Variants in KMT2B observed in about 807,000 individuals in gnomAD.
KMT2B encodes histone-lysine N-methyltransferase 2B.
Under a neutral mutation model 255.3 loss-of-function variants are expected in KMT2B, and 22 were observed. The ratio of observed to expected loss-of-function variants is 0.09; its 90% CI spans 0.06 to 0.12. The LOEUF (loss-of-function observed/expected upper bound fraction) is 0.12, where lower values mean the gene tolerates loss of function less well. Ranked by LOEUF, KMT2B falls within the 10% of genes least tolerant of loss-of-function variation. The pLI, the probability that KMT2B is intolerant of heterozygous loss-of-function variation, is 1.00. For missense variants in KMT2B, 3,149 were observed against 3,737.0 expected (o/e 0.84, Z 4.10); for synonymous variants, 1,730 against 1,498.1 (o/e 1.15, Z -3.57).
chr19:35,719,371 C>T, intron 1 of KMT2B, 98 bp from the exon 2 acceptor site: 1 of 847,604 alleles, frequency 1.2e-6, no homozygotes, highest in Non-Finnish European at 1.9e-6. Context: ...CAGGGGTATG[C>T]TAAGTGGGAA....
intron 22 of KMT2B, among the ~76,000 whole-genome samples, chr19:35,729,596 A>G (rs893826567): frequency 1.3e-5 from 2 of 152,166 alleles, no homozygotes; most frequent in Non-Finnish European, 2.9e-5. Context: ...CCGTGAGGTT[A>G]GAATTCCCCC....
In KMT2B at chr19:35,727,864, G is replaced by C. The variant is rs767815563; in HGVS notation, c.4393-17G>C. 6.2e-7 allele frequency: 1 copy of C among 1,611,184 alleles called. No individual in the cohort carries two copies. Among genetic ancestry groups the C allele is most frequent in the East Asian group, 2.2e-5 (1 of 44,788 alleles). The stretch of plus-strand genomic sequence containing the variant: ...ATTGTGCAGAGGGGACTCAGTCTCT[G>C]ACAAACCCCCTTACAGCACAGCTTC... On this transcript the variant is annotated splice_polypyrimidine_tract_variant and intron_variant, in intron 17 of 36. Coordinates refer to ENST00000420124, the MANE Select transcript of KMT2B (RefSeq NM_014727.3). This position sits in a 1 kb window ranked among gnomAD's most constrained non-coding sequence, Gnocchi z 4.2.
rs1568368176 is a variant in KMT2B at position 35,720,567 on chromosome 19, C to T, written c.1220C>T (p.Thr407Ile). Residue 407 changes from threonine to isoleucine, a missense_variant, in exon 3 of 37, where the codon ACT becomes ATT. Physicochemically the swap from Thr to Ile is moderately conservative, Grantham distance 89. Around this residue, in one of 18 missense-constraint regions of KMT2B, gnomAD observed 1,188 missense variants for 1,106.4 expected, o/e 1.07. Coordinates refer to ENST00000420124, the MANE Select transcript of KMT2B (RefSeq NM_014727.3). ...GCAAAGCTGCCACCACCGCCTCTGA[C>T]TCCTCCAGCCCCTTCACCTCCTCCA... The part of the protein sequence containing the change: ...EEAKLPPPPL[T>I]PPAPSPPPPL... 6.5e-7 allele frequency: 1 copy of T among 1,541,920 alleles called. No individual in the cohort carries two copies. Among genetic ancestry groups the T allele is most frequent in the Non-Finnish European group, 8.8e-7 (1 of 1,142,508 alleles).
chr19:35,733,295 TCCGCCCTGCCCCGCCC>T lies in KMT2B; in HGVS notation c.6752_6767del (p.Pro2251HisfsTer5). On this transcript the variant is annotated frameshift_variant, in exon 28 of 37. Transcript: ENST00000420124. LOFTEE classifies it high-confidence loss of function. The surrounding 1 kb of genome is among the most constrained non-coding windows in gnomAD (Gnocchi z 4.3). ...GGCGTGCTGCCCGTGGTCGGAGTGGTCCGCCCTGCCCCGCCCCCGCCACCCCCTCCCCTGACGCTGG... is the reference window on the plus strand; with the variant it reads ...GGCGTGCTGCCCGTGGTCGGAGTGGTCCGCCACCCCCTCCCCTGACGCTGG... The T allele has an allele frequency of 6.9e-7, 1 of 1,456,824 alleles. No homozygotes were observed. Among genetic ancestry groups the T allele is most frequent in the Non-Finnish European group, 9.3e-7 (1 of 1,072,624 alleles). The allele number at this position is 1,456,824 out of a possible 1,614,324, so 90.2% of individuals were successfully genotyped here. A position where few individuals can be genotyped will look rare whatever the true frequency, so the allele number is the denominator to read the frequency against.
chr19:35,723,081 G>C lies in KMT2B; in HGVS notation c.2809G>C (p.Glu937Gln). Residue 937 changes from glutamate to glutamine, a missense_variant, in exon 6 of 37, where the codon GAG (glutamate) becomes CAG (glutamine). Transcript: ENST00000420124. This position sits in a 1 kb window ranked among gnomAD's most constrained non-coding sequence, Gnocchi z 7.5. ...GGCAGCAGGCCCTGGGGGAGAATCA[G>C]AGCCCACAGGTTCTGGAGGGACCCT... ...VEAAGPGGES[E>Q]PTGSGGTLAH... The C allele has an allele frequency of 6.2e-7, 1 of 1,613,190 alleles. No individual in the cohort carries two copies. The highest frequency in any genetic ancestry group is 8.5e-7 in the Non-Finnish European group (1 of 1,179,822).
rs562710909 is a variant in KMT2B, at chr19:35,732,544, G to C, written c.5995G>C (p.Gly1999Arg). The change falls in exon 28 of 37, where the codon GGG becomes CGG. Residue 1999 changes from glycine to arginine, a missense_variant. Coordinates refer to ENST00000420124, the MANE Select transcript of KMT2B (RefSeq NM_014727.3). ...CCTGGACTTCGCGGCCAGCCTGCTG[G>C]GGACTGAGCCCTTCCAGGAAGAGAT... ...ADLDFAASLL[G>R]TEPFQEEIVA... is the part of the protein sequence containing the mutation. 1 of 1,613,874 alleles carries C rather than the reference G, an allele frequency of 6.2e-7. No homozygotes were observed. The highest frequency in any genetic ancestry group is 1.1e-5 in the South Asian group (1 of 91,088).
Position 35,725,885 on chromosome 19 carries a change from C to A in KMT2B, c.3885+67C>A. 1 of 1,344,712 alleles carries A rather than the reference C, an allele frequency of 7.4e-7. No individual in the cohort carries two copies. Among genetic ancestry groups the A allele is most frequent in the Non-Finnish European group, 1.0e-6 (1 of 959,772 alleles). The allele number at this position is 1,344,712 out of a possible 1,614,324, so 83.3% of individuals were successfully genotyped here. A position where few individuals can be genotyped will look rare whatever the true frequency, so the allele number is the denominator to read the frequency against. ...TATCACCACCACCCCCAAACTTGCT[C>A]TAGGCTGGGGCTCTCAGGAGGAGCA... On this transcript the variant is annotated intron_variant, in intron 13 of 36. Coordinates refer to ENST00000420124, the MANE Select transcript of KMT2B (RefSeq NM_014727.3). The surrounding 1 kb of genome is among the most constrained non-coding windows in gnomAD (Gnocchi z 4.1).
rs1000006092 is a variant in KMT2B, at chr19:35,718,479, C to G, written c.363+98C>G. The G allele has an allele frequency of 2.6e-6, 3 of 1,175,648 alleles. No individual in the cohort carries two copies. Among genetic ancestry groups the G allele is most frequent in the Non-Finnish European group, 3.2e-6 (3 of 942,522 alleles). The allele number at this position is 1,175,648 out of a possible 1,614,324, so 72.8% of individuals were successfully genotyped here. ...GGGGGCGGCGTGGGCAGGCCGGGTCCTCAGGGTTCCTTCGGAGAGACGGGG... is the reference window on the plus strand; with the variant it reads ...GGGGGCGGCGTGGGCAGGCCGGGTCGTCAGGGTTCCTTCGGAGAGACGGGG... On this transcript the variant is annotated intron_variant, in intron 1 of 36. Coordinates refer to ENST00000420124, the MANE Select transcript of KMT2B (RefSeq NM_014727.3). This position sits in a 1 kb window ranked among gnomAD's most constrained non-coding sequence, Gnocchi z 5.0.
rs769817425 is a variant in KMT2B, at chr19:35,733,408, C to T, written c.6859C>T (p.Arg2287Trp). The T allele has an allele frequency of 2.0e-5, 31 of 1,551,144 alleles. No homozygotes were observed. Among genetic ancestry groups the T allele is most frequent in the South Asian group, 9.5e-5 (8 of 84,114 alleles). ...RVKRVSTFSG[R>W]SPPAPPPYKA... ...CAAGAGGGTGTCCACTTTCTCCGGC[C>T]GGTCCCCGCCAGCACCTCCCCCATA... is the stretch of plus-strand genomic sequence containing the variant. The change falls in exon 28 of 37, where the codon CGG (arginine) becomes TGG (tryptophan). Residue 2287 changes from arginine to tryptophan, a missense_variant. Coordinates refer to ENST00000420124, the MANE Select transcript of KMT2B (RefSeq NM_014727.3). The surrounding 1 kb of genome is among the most constrained non-coding windows in gnomAD (Gnocchi z 4.3).
At chr19:35,729,657 C>T (rs987453828) in intron 22 of KMT2B, among the ~76,000 whole-genome samples, 14 of 152,060 alleles carry the variant, frequency 9.2e-5, no homozygotes, top group South Asian at 4.1e-4. Flanking sequence ...CAGGCACTCT[C>T]GGGCATTGGG....
Position 35,732,201 on chromosome 19 carries a change from C to A in KMT2B, c.5666-14C>A. 6.4e-7 allele frequency: 1 copy of A among 1,573,818 alleles called. No homozygotes were observed. Among genetic ancestry groups the A allele is most frequent in the Non-Finnish European group, 8.7e-7 (1 of 1,154,388 alleles). ...AGGTGGGAGCTGCTGGTAACACCAACCCTCCCCCCACAGGAAGTCCATCTT... is the reference window on the plus strand; with the variant it reads ...AGGTGGGAGCTGCTGGTAACACCAAACCTCCCCCCACAGGAAGTCCATCTT... On this transcript the variant is annotated splice_polypyrimidine_tract_variant and intron_variant, in intron 27 of 36. Coordinates refer to ENST00000420124, the MANE Select transcript of KMT2B (RefSeq NM_014727.3).
intron 1 of KMT2B, among the ~76,000 whole-genome samples, chr19:35,719,014 C>T (rs939308496): frequency 5.3e-5 from 8 of 152,188 alleles, no homozygotes; most frequent in Non-Finnish European, 1.2e-4. Context: ...TGAGAGCTCG[C>T]AGTGGAGCCT....
rs1969417196 is a variant in KMT2B, at chr19:35,725,856, T to C, written c.3885+38T>C. On this transcript the variant is annotated intron_variant, in intron 13 of 36. Transcript: ENST00000420124. This position sits in a 1 kb window ranked among gnomAD's most constrained non-coding sequence, Gnocchi z 4.1. ...GTTCACCCACTTGCTTTGTCTCTAA[T>C]GAATATCACCACCACCCCCAAACTT... 2.0e-6 allele frequency: 3 copies of C among 1,506,794 alleles called. No individual in the cohort carries two copies. The highest frequency in any genetic ancestry group is 2.7e-6 in the Non-Finnish European group (3 of 1,106,214). 93.3% of individuals were successfully genotyped at this position (1,506,794 alleles called of 1,614,324 possible).
In KMT2B at chr19:35,723,789, C is replaced by T. The variant is rs1341440955; in HGVS notation, c.3116C>T (p.Ser1039Phe). ...PWDSDESPEA[S>F]PGPPGPRRGA... ...GATTCCGATGAATCTCCTGAGGCCT[C>T]CCCTGGTCCTCCAGGCCCACGCCGG... The change falls in exon 8 of 37, where the codon TCC becomes TTC. Residue 1039 changes from serine (S) to phenylalanine (F), a missense_variant. Transcript: ENST00000420124. The surrounding 1 kb of genome is among the most constrained non-coding windows in gnomAD (Gnocchi z 7.5). The T allele has an allele frequency of 6.3e-7, 1 of 1,584,674 alleles. No homozygotes were observed. The highest frequency in any genetic ancestry group is 2.3e-5 in the East Asian group (1 of 44,342).
chr19:35,721,235 G>GC lies in KMT2B; in HGVS notation c.1893dup (p.Ser632LeufsTer44). 1 of 251,518 alleles carries GC rather than the reference G, an allele frequency of 4.0e-6. No homozygotes were observed. Among genetic ancestry groups the GC allele is most frequent in the Non-Finnish European group, 6.0e-6 (1 of 166,324 alleles). The allele number at this position is 251,518 out of a possible 1,614,324, so 15.6% of individuals were successfully genotyped here. Reference sequence around the variant, plus strand: ...TCCCCCAGCCCCTCCACCTCCCCCGGCCCCCTCCCCACCCCCTGCTCCTGC... The same window carrying GC: ...TCCCCCAGCCCCTCCACCTCCCCCGGCCCCCCTCCCCACCCCCTGCTCCTGC... On this transcript the variant is annotated frameshift_variant, in exon 3 of 37. Coordinates refer to ENST00000420124, the MANE Select transcript of KMT2B (RefSeq NM_014727.3). LOFTEE classifies it high-confidence loss of function.
chr19:35,727,951 G>A lies in KMT2B; in HGVS notation c.4463G>A (p.Arg1488Gln), dbSNP rs549211601. 6.9e-6 allele frequency: 11 copies of A among 1,585,230 alleles called. No individual in the cohort carries two copies. The highest frequency in any genetic ancestry group is 2.3e-5 in the South Asian group (2 of 87,704). ...HSEEGETPDR[R>Q]AGGQMKGLLL... ...GAGGAGGGAGAGACCCCGGACCGCC[G>A]GGCTGGAGGCCAGATGAAGGGGCTC... The change falls in exon 18 of 37, where the codon CGG (arginine) becomes CAG (glutamine). Residue 1488 changes from arginine (R) to glutamine (Q), a missense_variant. Physicochemically the swap from Arg to Gln is conservative, Grantham distance 43. Coordinates refer to ENST00000420124, the MANE Select transcript of KMT2B (RefSeq NM_014727.3). The surrounding 1 kb of genome is among the most constrained non-coding windows in gnomAD (Gnocchi z 4.2).
Position 35,732,457 on chromosome 19 carries a change from C to T in KMT2B, c.5908C>T (p.Pro1970Ser), listed in dbSNP as rs991657581. The change falls in exon 28 of 37, where the codon CCT becomes TCT. Residue 1970 changes from proline (P) to serine (S), a missense_variant. Physicochemically the swap from Pro to Ser is moderately conservative, Grantham distance 74. This residue lies in a region of KMT2B where 897 missense variants were observed against 825.3 expected (regional missense o/e 1.09). Transcript: ENST00000420124. ...PPGPAPSPPP[P>S]EDLGPDFEDM... Reference sequence around the variant, plus strand: ...TGGCCCGGCCCCATCTCCACCACCCCCTGAAGACCTGGGCCCAGACTTCGA... The same window carrying T: ...TGGCCCGGCCCCATCTCCACCACCCTCTGAAGACCTGGGCCCAGACTTCGA... 3 of 1,613,844 alleles carry T rather than the reference C, an allele frequency of 1.9e-6. No individual in the cohort carries two copies. The highest frequency in any genetic ancestry group is 1.7e-5 in the Admixed American group (1 of 60,020).
Position 35,720,864 on chromosome 19 carries a change from C to T in KMT2B, c.1517C>T (p.Pro506Leu), listed in dbSNP as rs1300999779. The change falls in exon 3 of 37, where the codon CCT becomes CTT. Residue 506 changes from proline (P) to leucine (L), a missense_variant. Physicochemically the swap from Pro to Leu is moderately conservative, Grantham distance 98. Around this residue, in one of 18 missense-constraint regions of KMT2B, gnomAD observed 1,188 missense variants for 1,106.4 expected, o/e 1.07. Transcript: ENST00000420124. ...TPTPSTATGG[P>L]PEDSPTVAPK... ...ACCCCCAGCACCGCCACGGGAGGCCCTCCGGAAGACAGTCCCACCGTGGCC... is the reference window on the plus strand; with the variant it reads ...ACCCCCAGCACCGCCACGGGAGGCCTTCCGGAAGACAGTCCCACCGTGGCC... 6.3e-7 allele frequency: 1 copy of T among 1,586,112 alleles called. No homozygotes were observed. The highest frequency in any genetic ancestry group is 1.2e-5 in the South Asian group (1 of 86,660).
At position 35,729,304 on chromosome 19, in the gene KMT2B, C is replaced by T. The variant is rs750380512; in HGVS notation, c.4917+8C>T. 29 of 1,588,694 alleles carry T rather than the reference C, an allele frequency of 1.8e-5. No homozygotes were observed. Among genetic ancestry groups the T allele is most frequent in the African/African-American group, 4.0e-5 (3 of 74,448 alleles). On this transcript the variant is annotated splice_region_variant and intron_variant, in intron 22 of 36. Coordinates refer to ENST00000420124, the MANE Select transcript of KMT2B (RefSeq NM_014727.3). The stretch of plus-strand genomic sequence containing the variant: ...GCCCGAGGGAGGCAGATGGTGAGGG[C>T]GCGGGCGCAGAGAGGTGGACAGCTC...
Sources: allele counts gnomAD v4.1 joint callset (sites outside exome capture counted in the v4.1 genomes callset), GRCh38; gene constraint gnomAD v4.1.1; regional missense constraint gnomAD v4.1.1; non-coding constraint Gnocchi (gnomAD v3.1); transcripts MANE v1.5; gene names NCBI Gene and HGNC (gene_info 2026-07-23, HGNC 2026-07-21).